XYLB: variants seen among roughly 807,000 people sequenced by gnomAD.
XYLB encodes the protein xylulokinase.
A neutral mutation model predicts 78.7 loss-of-function variants in XYLB; 62 were observed. That is an observed-to-expected ratio of 0.79 (90% confidence interval 0.64 to 0.97). XYLB has a LOEUF of 0.97. Ranked by LOEUF, XYLB falls within the 50% of genes least tolerant of loss-of-function variation. The probability of loss-of-function intolerance (pLI) is 0.00; values close to 1 mark genes in which losing one functional copy is unlikely to be tolerated. For missense variants in XYLB, 687 were observed against 676.8 expected, an observed-to-expected ratio of 1.02 and a Z score of -0.17; for synonymous variants, 245 against 247.4, an observed-to-expected ratio of 0.99 and a Z score of 0.09.
At position 38,375,130 on chromosome 3, in the gene XYLB, C is replaced by A. The variant is rs778191960; in HGVS notation, c.889-14C>A. The A allele has an allele frequency of 6.2e-7, 1 of 1,610,662 alleles. No homozygotes were observed. The highest frequency in any genetic ancestry group is 1.3e-5 in the African/African-American group (1 of 74,862). On this transcript the variant is annotated splice_polypyrimidine_tract_variant and intron_variant, in intron 11 of 18. Transcript: ENST00000207870. ...CAAAGCCCAAGGTGCCCACCTCTGC[C>A]TATCTCTCCTCAGGTCAGCCTGGGC...
At chr3:38,452,000 A>C in the XYLB span, 2 of 152,212 alleles carry the variant, frequency 1.3e-5, no homozygotes, top group Non-Finnish European at 2.9e-5. Context: ...GCACATGGAT[A>C]AAAGTCGATA....
At chr3:38,353,588 G>A (rs1028063565) in intron 2 of XYLB, among the ~76,000 whole-genome samples, 2 of 152,046 alleles carry the variant, frequency 1.3e-5, no homozygotes, top group Non-Finnish European at 2.9e-5. Flanking sequence ...TGAGATTACA[G>A]GCGTGAACCA....
intron 18 of XYLB, among the ~76,000 whole-genome samples, chr3:38,412,654 G>A (rs573935915): frequency 3.9e-4 from 60 of 152,252 alleles, no homozygotes; most frequent in South Asian, 1.5e-3. Context: ...GCTGTGCAAT[G>A]AGGCAGCCAT....
In XYLB at chr3:38,400,980, T is replaced by A; in HGVS notation, c.1528T>A (p.Ser510Thr). The change falls in exon 18 of 19, where the codon TCT becomes ACT. Residue 510 changes from serine to threonine, a missense_variant. By Grantham distance (58) the Ser-to-Thr change is moderately conservative. Coordinates refer to ENST00000207870, the MANE Select transcript of XYLB (RefSeq NM_005108.4). ...RLAATPSPGA[S>T]QVYEALLPQY... Reference sequence around the variant, plus strand: ...AGCTGCTACCCCAAGCCCGGGAGCTTCTCAGGTGAGAGACCATCGGAATTT... The same window carrying A: ...AGCTGCTACCCCAAGCCCGGGAGCTACTCAGGTGAGAGACCATCGGAATTT... 6.2e-7 allele frequency: 1 copy of A among 1,614,150 alleles called. No homozygotes were observed. Among genetic ancestry groups the A allele is most frequent in the Non-Finnish European group, 8.5e-7 (1 of 1,179,978 alleles).
chr3:38,425,217 G>A (rs115445478), downstream of XYLB, among the ~76,000 whole-genome samples: 2,407 of 152,298 alleles, frequency 0.016, 70 homozygotes, highest in African/African-American at 0.056. Context: ...GGAATCTTCT[G>A]CCTGTATTAA....
At chr3:38,419,125 T>A (rs1250244322), downstream of XYLB, among the ~76,000 whole-genome samples, 1 of 152,204 alleles carries the variant, frequency 6.6e-6, no homozygotes. Context: ...GTTTTTCATA[T>A]AAGTGGTATC....
chr3:38,403,496 A>G (rs558122195), intron 18 of XYLB, among the ~76,000 whole-genome samples: 1 of 152,148 alleles, frequency 6.6e-6, no homozygotes, highest in Admixed American at 6.5e-5. Context: ...TGCCCCAAAC[A>G]TCATGTCTTC....
intron 17 of XYLB, 98 bp downstream of exon 17, chr3:38,397,257 T>C: frequency 1.7e-6 from 2 of 1,151,534 alleles, no homozygotes; most frequent in Non-Finnish European, 2.6e-6. Context: ...ACCCAGTCTT[T>C]GGGGACATTG....
intron 15 of XYLB, among the ~76,000 whole-genome samples, chr3:38,384,606 G>A (rs1707300823): frequency 6.6e-6 from 1 of 152,194 alleles, no homozygotes; most frequent in Non-Finnish European, 1.5e-5. Flanking sequence ...ACGAATGGAT[G>A]TCTTTTTATC....
chr3:38,384,805 C>T (rs1452113844), intron 15 of XYLB, among the ~76,000 whole-genome samples: 2 of 152,054 alleles, frequency 1.3e-5, no homozygotes, highest in East Asian at 1.9e-4. Flanking sequence ...TCATATGGTT[C>T]GACCTGACAC....
downstream of XYLB, among the ~76,000 whole-genome samples, chr3:38,417,879 C>CAAAA (rs534465318): frequency 8.7e-5 from 8 of 91,516 alleles, no homozygotes; most frequent in African/African-American, 3.1e-4. Flanking sequence ...GACTTCATCT[C>CAAAA]AAAAAAAAAA....
At chr3:38,375,785 T>A (rs1435822741) in intron 12 of XYLB, among the ~76,000 whole-genome samples, 5 of 152,176 alleles carry the variant, frequency 3.3e-5, no homozygotes, top group African/African-American at 1.2e-4. Flanking sequence ...TTGGAGAATG[T>A]GGCTAGTTAA....
chr3:38,362,054 A>T (rs1354882632), intron 3 of XYLB, among the ~76,000 whole-genome samples: 2 of 152,164 alleles, frequency 1.3e-5, no homozygotes, highest in African/African-American at 4.8e-5. Context: ...AGGGGCCTGG[A>T]ACAGGTGGCC....
chr3:38,355,847 A>T (rs763812917), intron 2 of XYLB: 32 of 700,930 alleles, frequency 4.6e-5, no homozygotes, highest in Non-Finnish European at 7.8e-6. Context: ...GTTCCTAACC[A>T]CCTACTGATT....
the XYLB span, among the ~76,000 whole-genome samples, chr3:38,435,683 A>G: frequency 6.6e-6 from 1 of 152,222 alleles, no homozygotes; most frequent in African/African-American, 2.4e-5. Flanking sequence ...AGGATAGACC[A>G]TATGTTAGGC....
chr3:38,425,771 A>G (rs1709088044), downstream of XYLB, among the ~76,000 whole-genome samples: 1 of 152,214 alleles, frequency 6.6e-6, no homozygotes, highest in Non-Finnish European at 1.5e-5. Context: ...TTTTGGGAGG[A>G]ACCCAAGGAC....
At chr3:38,367,782 T>C (rs1706342743) in intron 7 of XYLB, among the ~76,000 whole-genome samples, 1 of 152,214 alleles carries the variant, frequency 6.6e-6, no homozygotes, top group Non-Finnish European at 1.5e-5. Flanking sequence ...GTGTCCTGGT[T>C]GGTTCTGAGG....
intron 18 of XYLB, among the ~76,000 whole-genome samples, chr3:38,409,437 A>C (rs944931758): frequency 2.0e-5 from 3 of 152,224 alleles, no homozygotes; most frequent in African/African-American, 7.2e-5. Flanking sequence ...ATCATACTGA[A>C]TGGGCAAAAA....
In XYLB at chr3:38,358,340, TG is replaced by T. The variant is rs1559575683; in HGVS notation, c.141-1998del. 3.7e-3 allele frequency among the ~76,000 whole-genome samples: 310 copies of T among 83,652 alleles called. 2 individuals carry two copies. The highest frequency in any genetic ancestry group is 8.7e-3 in the African/African-American group (260 of 29,736). 54.9% of individuals were successfully genotyped at this position (83,652 alleles called of 152,430 possible). ...GTGTGTGTGTGTGTGTGTGTGTGTG[TG>T]TGTGTGTGTGTGTGTGTTTGAGACA... is the stretch of plus-strand genomic sequence containing the variant. On this transcript the variant is annotated intron_variant, in intron 2 of 18. Transcript: ENST00000207870.
Sources: gnomAD v4.1 joint callset for allele counts (sites outside exome capture counted in the v4.1 genomes callset) on GRCh38, gnomAD v4.1.1 for gene constraint, MANE v1.5 for transcripts, NCBI Gene and HGNC (gene_info 2026-07-23, HGNC 2026-07-21) for gene names.